THRB: variants seen among roughly 807,000 people sequenced by gnomAD.
THRB encodes the protein nuclear receptor subfamily 1 group A member 2.
THRB carries 12 observed loss-of-function variants against 47.8 expected under a neutral mutation model. The ratio of observed to expected loss-of-function variants is 0.25; its 90% CI spans 0.16 to 0.41. The LOEUF (loss-of-function observed/expected upper bound fraction) is 0.41. Among genes scored for constraint, THRB ranks in the 10% least tolerant of loss-of-function variants. The pLI is 1.00. For synonymous variants in THRB, 218 were observed against 212.2 expected (o/e 1.03, Z -0.24); for missense variants, 348 against 589.2 (o/e 0.59, Z 4.24).
intron 2 of THRB, among the ~76,000 whole-genome samples, chr3:24,315,641 T>A (rs1458877401): frequency 6.6e-6 from 1 of 152,048 alleles, no homozygotes; most frequent in East Asian, 1.9e-4. Flanking sequence ...CCTAGTGAAA[T>A]GAGACTCCTA....
At chr3:24,316,370 T>G (rs566996769) in intron 2 of THRB, among the ~76,000 whole-genome samples, 2 of 152,214 alleles carry the variant, frequency 1.3e-5, no homozygotes, top group East Asian at 3.9e-4. Context: ...TTCCATCCTT[T>G]CCTTCCTTTT....
At chr3:24,257,638 G>A (rs2051438991) in intron 3 of THRB, among the ~76,000 whole-genome samples, 1 of 152,340 alleles carries the variant, frequency 6.6e-6, no homozygotes, top group East Asian at 1.9e-4. Context: ...ACCATGCCAT[G>A]CAGTGTGAAA....
intron 1 of THRB, among the ~76,000 whole-genome samples, chr3:24,401,209 A>T (rs745754026): frequency 2.0e-5 from 3 of 152,088 alleles, no homozygotes; most frequent in Non-Finnish European, 4.4e-5. Flanking sequence ...AGTTAGATTA[A>T]GCAATAAAAA....
chr3:24,221,886 T>G (rs1322450177), intron 4 of THRB, among the ~76,000 whole-genome samples: 2 of 152,160 alleles, frequency 1.3e-5, no homozygotes, highest in Admixed American at 1.3e-4. Context: ...GTAGTAAGTT[T>G]CTCTTCCAAG....
intron 6 of THRB, among the ~76,000 whole-genome samples, chr3:24,149,541 C>A (rs1184119915): frequency 3.9e-5 from 6 of 152,192 alleles, no homozygotes. Context: ...TTGCTTATTT[C>A]CACAAAAGAG....
chr3:24,375,668 A>C (rs905534502), intron 1 of THRB, among the ~76,000 whole-genome samples: 3 of 151,898 alleles, frequency 2.0e-5, no homozygotes, highest in African/African-American at 7.2e-5. Context: ...CTACTGATAG[A>C]AAATAACAAG....
intron 3 of THRB, among the ~76,000 whole-genome samples, chr3:24,229,896 C>G (rs920405771): frequency 2.0e-5 from 3 of 152,190 alleles, no homozygotes; most frequent in Non-Finnish European, 4.4e-5. Context: ...TAATATACTA[C>G]TAGCTGTGGG....
rs182630040 is a variant in THRB at position 24,369,017 on chromosome 3, A to T, written c.-260-31646T>A. Among the ~76,000 whole-genome samples, 253 of 152,252 alleles carry T rather than the reference A, an allele frequency of 1.7e-3. 1 individual carries two copies. Among genetic ancestry groups the T allele is most frequent in the Non-Finnish European group, 3.7e-4 (25 of 68,018 alleles). ...TAGAAATTACTTTCAACTCACTGTA[A>T]TTCTTTTAAAATTATTTATTATTTA... On this transcript the variant is annotated intron_variant, in intron 1 of 10. Transcript: ENST00000646209.
intron 7 of THRB, among the ~76,000 whole-genome samples, chr3:24,145,970 G>T (rs2036032136): frequency 6.6e-6 from 1 of 152,200 alleles, no homozygotes; most frequent in African/African-American, 2.4e-5. Flanking sequence ...TTTATGATTA[G>T]ATTAATTAAA....
At chr3:24,345,521 G>A (rs1029987847) in intron 1 of THRB, among the ~76,000 whole-genome samples, 1 of 152,116 alleles carries the variant, frequency 6.6e-6, no homozygotes, top group Non-Finnish European at 1.5e-5. Flanking sequence ...AAACTACTCT[G>A]TGCCTCAAGT....
At chr3:24,333,160 A>G (rs973976245) in intron 2 of THRB, among the ~76,000 whole-genome samples, 25 of 152,172 alleles carry the variant, frequency 1.6e-4, no homozygotes, top group Non-Finnish European at 2.8e-4. Context: ...TAACTTGTGA[A>G]CAGCTCTTAC....
chr3:24,373,804 A>G (rs1039809128), intron 1 of THRB, among the ~76,000 whole-genome samples: 6 of 152,154 alleles, frequency 3.9e-5, no homozygotes, highest in African/African-American at 9.7e-5. Flanking sequence ...GCCTGTAACA[A>G]TCGCTAAGTC....
chr3:24,392,127 G>T (rs965802878), intron 1 of THRB, among the ~76,000 whole-genome samples: 1 of 152,060 alleles, frequency 6.6e-6, no homozygotes, highest in Admixed American at 6.6e-5. Context: ...GTTTAAACTG[G>T]AAACCACCAT....
intron 3 of THRB, among the ~76,000 whole-genome samples, chr3:24,284,919 A>G (rs2055086485): frequency 6.6e-6 from 1 of 152,174 alleles, no homozygotes; most frequent in African/African-American, 2.4e-5. Flanking sequence ...AATCATTAAA[A>G]AGTCAGGAAA....
chr3:24,274,285 T>TA lies in THRB; in HGVS notation c.-43+22940dup, dbSNP rs537271966. Among the ~76,000 whole-genome samples the TA allele has an allele frequency of 3.0e-3, 458 of 152,298 alleles. 4 individuals are homozygous for TA. Among genetic ancestry groups the TA allele is most frequent in the Non-Finnish European group, 5.5e-3 (375 of 68,016 alleles). On this transcript the variant is annotated intron_variant, in intron 3 of 10. Coordinates refer to ENST00000646209, the MANE Select transcript of THRB (RefSeq NM_001354712.2). ...GGCACTTACACAGGCCTAATAATGG[T>TA]ATATACTATATTGAAATACTGTTTA...
chr3:24,362,126 T>G (rs2064117163), intron 1 of THRB, among the ~76,000 whole-genome samples: 1 of 152,124 alleles, frequency 6.6e-6, no homozygotes. Context: ...GCCACACTGA[T>G]TCTTTTAAAA....
intron 1 of THRB, among the ~76,000 whole-genome samples, chr3:24,449,437 C>T (rs2072424042): frequency 1.3e-5 from 2 of 152,180 alleles, no homozygotes; most frequent in Admixed American, 6.5e-5. Flanking sequence ...CCAAGTAACC[C>T]AGCTGGAGAA....
intron 3 of THRB, among the ~76,000 whole-genome samples, chr3:24,260,398 T>G (rs1232677172): frequency 1.3e-5 from 2 of 152,172 alleles, no homozygotes; most frequent in Non-Finnish European, 2.9e-5. Flanking sequence ...AGGGTGGATT[T>G]TGGACTGCAA....
intron 10 of THRB, among the ~76,000 whole-genome samples, chr3:24,123,423 G>A (rs1299075138): frequency 2.0e-5 from 3 of 152,176 alleles, no homozygotes; most frequent in African/African-American, 7.2e-5. Flanking sequence ...GGGTACAGAA[G>A]GAGAAGCCTG....
Sources: gnomAD v4.1 joint callset for allele counts (sites outside exome capture counted in the v4.1 genomes callset) on GRCh38, gnomAD v4.1.1 for gene constraint, MANE v1.5 for transcripts, NCBI Gene and HGNC (gene_info 2026-07-23, HGNC 2026-07-21) for gene names.